Variants in FAM178B observed in about 807,000 individuals in gnomAD.
FAM178B encodes protein FAM178B.
Under a neutral mutation model 91.7 loss-of-function variants are expected in FAM178B, and 82 were observed. The ratio of observed to expected loss-of-function variants is 0.89; its 90% CI spans 0.75 to 1.07. The LOEUF is 1.07. Among genes scored for constraint, FAM178B ranks in the 50% least tolerant of loss-of-function variants. FAM178B has a pLI of 0.00. For synonymous variants in FAM178B, 368 were observed against 359.4 expected (o/e 1.02, Z -0.27); for missense variants, 769 against 846.7 (o/e 0.91, Z 1.14).
At chr2:96,886,764 G>T (rs921472978) in intron 14 of FAM178B, among the ~76,000 whole-genome samples, 2 of 152,192 alleles carry the variant, frequency 1.3e-5, no homozygotes, top group Non-Finnish European at 2.9e-5. Context: ...GCGTGTAAGG[G>T]ACCTTCCCCA....
At chr2:96,919,892 G>A (rs1402174111) in intron 12 of FAM178B, among the ~76,000 whole-genome samples, 1 of 152,210 alleles carries the variant, frequency 6.6e-6, no homozygotes, top group Non-Finnish European at 1.5e-5. Flanking sequence ...CGGAGCCCAG[G>A]ACAACTGAAG....
chr2:96,978,143 C>T (rs554108172), intron 1 of FAM178B, among the ~76,000 whole-genome samples: 62 of 152,178 alleles, frequency 4.1e-4, no homozygotes, highest in African/African-American at 1.5e-3. Context: ...ATCTCAGCAT[C>T]CTAGCACTCA....
chr2:96,956,312 C>A (rs908973341), intron 6 of FAM178B, among the ~76,000 whole-genome samples: 12 of 152,196 alleles, frequency 7.9e-5, no homozygotes, highest in Non-Finnish European at 1.5e-4. Context: ...GGGACTGACC[C>A]TGGGATGCAC....
At chr2:96,961,290 T>G (rs1477224779) in intron 5 of FAM178B, among the ~76,000 whole-genome samples, 2 of 151,066 alleles carry the variant, frequency 1.3e-5, no homozygotes, top group African/African-American at 4.9e-5. Flanking sequence ...GCCCAAGTTC[T>G]TGGGTGAAAA....
chr2:96,881,501 C>T (rs761341572), intron 14 of FAM178B, among the ~76,000 whole-genome samples: 12 of 151,640 alleles, frequency 7.9e-5, no homozygotes, highest in South Asian at 4.2e-4. Flanking sequence ...CTGCTGATGG[C>T]GCAGCTCACT....
At chr2:96,915,022 CTG>C (rs2081219151) in intron 12 of FAM178B, among the ~76,000 whole-genome samples, 1 of 151,994 alleles carries the variant, frequency 6.6e-6, no homozygotes, top group Non-Finnish European at 1.5e-5. Context: ...GTCTCCACGG[CTG>C]TGTTTGCTGA....
chr2:96,879,082 A>T (rs1208973822), intron 14 of FAM178B, among the ~76,000 whole-genome samples: 1 of 152,112 alleles, frequency 6.6e-6, no homozygotes, highest in Non-Finnish European at 1.5e-5. Context: ...ATCTTGAGGC[A>T]CCCCTGGACT....
chr2:96,905,824 A>ATATATATATATATATG (rs2081023650), intron 12 of FAM178B, among the ~76,000 whole-genome samples: 1 of 17,470 alleles, frequency 5.7e-5, no homozygotes, highest in Non-Finnish European at 1.2e-4. Context: ...GTGTGTATAT[A>ATATATATATATATATG]TATATATATA....
chr2:96,944,734 C>T (rs1444909344), intron 8 of FAM178B, among the ~76,000 whole-genome samples: 2 of 152,206 alleles, frequency 1.3e-5, no homozygotes, highest in African/African-American at 4.8e-5. Flanking sequence ...TAAAATGTGG[C>T]TTCTCTTGAA....
chr2:96,949,852 G>T, intron 7 of FAM178B: 1 of 395,350 alleles, frequency 2.5e-6, no homozygotes. Flanking sequence ...GGCAGCTCAC[G>T]GATGTCCCAC....
chr2:96,975,094 CAAAAAAAA>C (rs34807786), intron 1 of FAM178B, among the ~76,000 whole-genome samples: 2 of 56,272 alleles, frequency 3.6e-5, no homozygotes, highest in Non-Finnish European at 5.5e-5. Context: ...GACTCTGTCT[CAAAAAAAA>C]AAAAAAAAAA....
chr2:96,909,437 C>T (rs547888446), intron 12 of FAM178B, among the ~76,000 whole-genome samples: 5 of 152,346 alleles, frequency 3.3e-5, no homozygotes, highest in East Asian at 1.9e-4. Context: ...AGGTCCTCTA[C>T]GCTTGGAAGA....
At chr2:96,943,675 T>C (rs531976448) in intron 8 of FAM178B, among the ~76,000 whole-genome samples, 1 of 152,310 alleles carries the variant, frequency 6.6e-6, no homozygotes, top group South Asian at 2.1e-4. Flanking sequence ...TAAAGCTCCA[T>C]TGTGCCTGCA....
At chr2:96,967,911 C>CTTTTTTGTTTTTTTTTTTT (rs2082165917) in intron 4 of FAM178B, among the ~76,000 whole-genome samples, 1 of 62,418 alleles carries the variant, frequency 1.6e-5, no homozygotes, top group Non-Finnish European at 3.0e-5. Flanking sequence ...CCTGTTTGGT[C>CTTTTTTGTTTTTTTTTTTT]TTTTTTTTTT....
intron 6 of FAM178B, among the ~76,000 whole-genome samples, chr2:96,955,934 C>T (rs2081993842): frequency 6.6e-6 from 1 of 152,204 alleles, no homozygotes; most frequent in African/African-American, 2.4e-5. Context: ...AGAAGCTGAG[C>T]CTCATCCACC....
chr2:96,917,491 T>C (rs528960209), intron 12 of FAM178B, among the ~76,000 whole-genome samples: 61 of 152,234 alleles, frequency 4.0e-4, no homozygotes, highest in Non-Finnish European at 8.1e-4. Flanking sequence ...GGCTAGCAGA[T>C]GAAGGAGTGA....
chr2:96,930,183 G>A, intron 8 of FAM178B, among the ~76,000 whole-genome samples: 1 of 125,650 alleles, frequency 8.0e-6, no homozygotes, highest in South Asian at 2.6e-4. Context: ...CCAGCAGCCT[G>A]GGTGACAGAG....
chr2:96,975,886 T>C (rs2082281531), intron 1 of FAM178B, among the ~76,000 whole-genome samples: 2 of 152,302 alleles, frequency 1.3e-5, no homozygotes, highest in African/African-American at 4.8e-5. Context: ...AGTTTGGGAA[T>C]ACAGGCATGA....
At chr2:96,973,291 A>T (rs1040426895) in intron 1 of FAM178B, among the ~76,000 whole-genome samples, 2 of 151,972 alleles carry the variant, frequency 1.3e-5, no homozygotes, top group Non-Finnish European at 2.9e-5. Context: ...CACCCATCTT[A>T]CTTACTTGGT....
Sources: gnomAD v4.1 joint callset for allele counts (sites outside exome capture counted in the v4.1 genomes callset) on GRCh38, gnomAD v4.1.1 for gene constraint, MANE v1.5 for transcripts, NCBI Gene and HGNC (gene_info 2026-07-23, HGNC 2026-07-21) for gene names.